Variants in ARID5B observed in about 807,000 individuals in gnomAD.
ARID5B encodes the protein AT-rich interaction domain 5B, also known as AT-rich interactive domain-containing protein 5B.
A neutral mutation model predicts 97.2 loss-of-function variants in ARID5B; 13 were observed. The observed-to-expected ratio is 0.13, with a 90% CI of 0.09 to 0.21. The LOEUF (loss-of-function observed/expected upper bound fraction) is 0.21. Ranked by LOEUF, ARID5B falls within the 10% of genes least tolerant of loss-of-function variation. The pLI is 1.00. For synonymous variants in ARID5B, 556 were observed against 570.3 expected (o/e 0.97, Z 0.36); for missense variants, 1,210 against 1,465.3 (o/e 0.83, Z 2.84).
chr10:61,944,097 A>G (rs543794803), intron 3 of ARID5B, among the ~76,000 whole-genome samples: 2 of 152,346 alleles, frequency 1.3e-5, no homozygotes, highest in South Asian at 2.1e-4. Flanking sequence ...TCAAAGAAAG[A>G]AAGTTCAATA....
At chr10:62,077,661 CATGTTTT>C (rs1255472611) in intron 8 of ARID5B, among the ~76,000 whole-genome samples, 1 of 152,164 alleles carries the variant, frequency 6.6e-6, no homozygotes, top group Non-Finnish European at 1.5e-5. Flanking sequence ...TTGCAGGTCC[CATGTTTT>C]ATTGATAGTT....
chr10:62,004,142 A>G (rs1426608542), intron 4 of ARID5B, among the ~76,000 whole-genome samples: 1 of 152,178 alleles, frequency 6.6e-6, no homozygotes, highest in African/African-American at 2.4e-5. Context: ...GGGAAAGGTT[A>G]TTTTAGGCTT....
At chr10:62,000,000 A>G (rs938153611) in intron 3 of ARID5B, 91 bp from the exon 4 acceptor site, 15 of 1,316,652 alleles carry the variant, frequency 1.1e-5, no homozygotes, top group Non-Finnish European at 1.4e-5. Flanking sequence ...TTTAGTCCCA[A>G]ACCAGAAGTG....
At chr10:61,989,323 G>C (rs1838890848) in intron 3 of ARID5B, among the ~76,000 whole-genome samples, 2 of 152,006 alleles carry the variant, frequency 1.3e-5, no homozygotes, top group African/African-American at 2.4e-5. Flanking sequence ...CCTGTTTTCT[G>C]TTTACATTTT....
intron 4 of ARID5B, among the ~76,000 whole-genome samples, chr10:62,036,954 A>G (rs1198934513): frequency 6.6e-6 from 1 of 152,194 alleles, no homozygotes; most frequent in Non-Finnish European, 1.5e-5. Context: ...CTGGCATAAC[A>G]TCTATGGTTT....
At chr10:62,073,015 G>A (rs1840084956) in intron 8 of ARID5B, among the ~76,000 whole-genome samples, 1 of 152,244 alleles carries the variant, frequency 6.6e-6, no homozygotes, top group African/African-American at 2.4e-5. Context: ...CTGGATTGGT[G>A]AAGGAACACT....
intron 3 of ARID5B, among the ~76,000 whole-genome samples, chr10:61,975,608 G>A (rs2132839052): frequency 6.6e-6 from 1 of 152,158 alleles, no homozygotes; most frequent in African/African-American, 2.4e-5. Flanking sequence ...CAAAATTGTT[G>A]TGAGATTGAA....
At chr10:61,955,894 A>G (rs983036787) in intron 3 of ARID5B, among the ~76,000 whole-genome samples, 1 of 151,844 alleles carries the variant, frequency 6.6e-6, no homozygotes, top group East Asian at 1.9e-4. Flanking sequence ...CAAGTGATCC[A>G]CCCGCCTCAG....
intron 2 of ARID5B, among the ~76,000 whole-genome samples, chr10:61,908,820 A>AAAAGAAG (rs1251041161): frequency 2.7e-4 from 39 of 146,250 alleles, no homozygotes; most frequent in African/African-American, 9.8e-4. Context: ...AAAAAAAAAA[A>AAAAGAAG]AAGAAGAAGA....
At chr10:61,924,597 T>A (rs947866605) in intron 2 of ARID5B, among the ~76,000 whole-genome samples, 6 of 152,130 alleles carry the variant, frequency 3.9e-5, no homozygotes, top group East Asian at 1.9e-4. Flanking sequence ...AGTAAAAAAA[T>A]TTAACAAGAA....
Position 61,940,250 on chromosome 10 carries a change from C to T in ARID5B, c.344C>T (p.Ser115Phe), listed in dbSNP as rs1328907240. ...KLEDLVKWVH[S>F]DFSKWRCGFH... ...GAAGACCTGGTCAAGTGGGTACATT[C>T]TGATTTCTCCAAGTGGAGATGTGGC... Residue 115 changes from serine (S) to phenylalanine (F), a missense_variant, in exon 3 of 10, where the codon TCT becomes TTT. This residue lies in a region of ARID5B where 82 missense variants were observed against 79.3 expected (regional missense o/e 1.03). Transcript: ENST00000279873. 16 of 1,614,190 alleles carry T rather than the reference C, an allele frequency of 9.9e-6. No homozygotes were observed. Among genetic ancestry groups the T allele is most frequent in the Non-Finnish European group, 1.2e-5 (14 of 1,180,020 alleles).
intron 1 of ARID5B, 83 bp downstream of exon 1, chr10:61,901,813 A>G (rs111814305): frequency 1.4e-6 from 1 of 695,140 alleles, no homozygotes; most frequent in Admixed American, 2.8e-5. Context: ...CTCTGCACCC[A>G]CCCACACCCC....
In ARID5B at chr10:62,093,494, C is replaced by T. The variant is rs1179384733; in HGVS notation, c.*464C>T. 1 of 239,300 alleles carries T rather than the reference C, an allele frequency of 4.2e-6. No individual in the cohort carries two copies. The highest frequency in any genetic ancestry group is 5.4e-5 in the Admixed American group (1 of 18,430). The allele number at this position is 239,300 out of a possible 1,614,324, so 14.8% of individuals were successfully genotyped here. On this transcript the variant is annotated 3_prime_UTR_variant, in exon 10 of 10. Coordinates refer to ENST00000279873, the MANE Select transcript of ARID5B (RefSeq NM_032199.3). ...TCAATCAATGCAATGTATAGTGAAA[C>T]TTCAATAGATCTTTCATTTTGACAC...
intron 3 of ARID5B, among the ~76,000 whole-genome samples, chr10:61,983,442 C>T (rs1204328727): frequency 6.6e-6 from 1 of 152,102 alleles, no homozygotes; most frequent in African/African-American, 2.4e-5. Flanking sequence ...TCTTGGCTGG[C>T]GTTCAGAGAC....
intron 4 of ARID5B, among the ~76,000 whole-genome samples, chr10:62,004,413 C>T (rs934935166): frequency 2.0e-5 from 3 of 152,164 alleles, no homozygotes; most frequent in Non-Finnish European, 2.9e-5. Context: ...AACAGACTCC[C>T]CATTAAAGCA....
At chr10:62,085,927 C>A (rs1840274610) in intron 9 of ARID5B, 27 bp downstream of exon 9, 2 of 1,597,978 alleles carry the variant, frequency 1.3e-6, no homozygotes, top group East Asian at 2.2e-5. Context: ...CATAGAAATA[C>A]CTCTGGAAGA....
chr10:61,933,581 C>T (rs763604471), intron 2 of ARID5B, among the ~76,000 whole-genome samples: 6 of 152,176 alleles, frequency 3.9e-5, no homozygotes, highest in Non-Finnish European at 5.9e-5. Flanking sequence ...GTTGTGTTAG[C>T]AGGCATAAAA....
intron 2 of ARID5B, among the ~76,000 whole-genome samples, chr10:61,922,291 C>T (rs935445315): frequency 2.6e-5 from 4 of 151,828 alleles, no homozygotes; most frequent in Admixed American, 2.0e-4. Flanking sequence ...TAAACAGGCT[C>T]CTTAATGCAT....
chr10:61,902,901 G>A (rs1409106333), intron 2 of ARID5B, among the ~76,000 whole-genome samples: 1 of 152,084 alleles, frequency 6.6e-6, no homozygotes, highest in Non-Finnish European at 1.5e-5. Flanking sequence ...ATTACGAAAT[G>A]GAGGCAGAAT....
Sources: gnomAD v4.1 joint callset for allele counts (sites outside exome capture counted in the v4.1 genomes callset) on GRCh38, gnomAD v4.1.1 for gene constraint, gnomAD v4.1.1 regional missense constraint, MANE v1.5 for transcripts, NCBI Gene and HGNC (gene_info 2026-07-23, HGNC 2026-07-21) for gene names.